The following NUDCD3 variants were observed in gnomAD, a reference collection of about 807,000 sequenced individuals.
NUDCD3 encodes nudC domain-containing protein 3.
NUDCD3 carries 13 observed loss-of-function variants against 39.7 expected under a neutral mutation model. The ratio of observed to expected loss-of-function variants is 0.33; its 90% CI spans 0.21 to 0.52. The LOEUF (loss-of-function observed/expected upper bound fraction) is 0.52, where lower values mean the gene tolerates loss of function less well. NUDCD3 is among the 20% of genes least tolerant of loss of function. The probability of loss-of-function intolerance (pLI) is 0.96; values close to 1 mark genes in which losing one functional copy is unlikely to be tolerated. For synonymous variants in NUDCD3, 175 were observed against 172.4 expected (o/e 1.02, Z -0.12); for missense variants, 453 against 458.1 (o/e 0.99, Z 0.10).
chr7:44,443,984 A>C (rs1799643164), intron 2 of NUDCD3, among the ~76,000 whole-genome samples: 1 of 152,222 alleles, frequency 6.6e-6, no homozygotes, highest in Non-Finnish European at 1.5e-5. Context: ...TGAAATTCTC[A>C]TAAAAGTGAG....
At chr7:44,470,918 A>G (rs1800242807) in intron 2 of NUDCD3, among the ~76,000 whole-genome samples, 1 of 152,270 alleles carries the variant, frequency 6.6e-6, no homozygotes, top group Admixed American at 6.5e-5. Context: ...AATATGAGAA[A>G]AACTAAATGT....
At position 44,490,617 on chromosome 7, in the gene NUDCD3, G is replaced by T. The variant is rs757149282; in HGVS notation, c.-17C>A. 21 of 1,591,330 alleles carry T rather than the reference G, an allele frequency of 1.3e-5. No individual in the cohort carries two copies. The highest frequency in any genetic ancestry group is 5.2e-5 in the Admixed American group (3 of 57,524). ...TGTCTCCATGTCGCCTCCCGCCCTAGGTACGCTTCACACACACAGCGCCGC... is the reference window on the plus strand; with the variant it reads ...TGTCTCCATGTCGCCTCCCGCCCTATGTACGCTTCACACACACAGCGCCGC... On this transcript the variant is annotated 5_prime_UTR_variant, in exon 1 of 6. Transcript: ENST00000355451.
chr7:44,475,201 T>G (rs1336606742), intron 2 of NUDCD3, among the ~76,000 whole-genome samples: 3 of 148,354 alleles, frequency 2.0e-5, no homozygotes. Context: ...AACCCCCGCC[T>G]CCTAGGTTCA....
chr7:44,382,376 C>G lies in NUDCD3; in HGVS notation c.*3635G>C, dbSNP rs1166167634. The G allele has an allele frequency of 6.6e-6, 1 of 152,208 alleles. No individual in the cohort carries two copies. The highest frequency in any genetic ancestry group is 1.9e-4 in the East Asian group (1 of 5,200). The allele number at this position is 152,208 out of a possible 1,614,324, so 9.4% of individuals were successfully genotyped here. ...ATTAACAAATCCATATTAGTGTGAG[C>G]TGGGTGAGTAGTTTAGTCTGAAATG... On this transcript the variant is annotated 3_prime_UTR_variant, in exon 6 of 6. Coordinates refer to ENST00000355451, the MANE Select transcript of NUDCD3 (RefSeq NM_015332.4).
intron 2 of NUDCD3, among the ~76,000 whole-genome samples, chr7:44,478,236 TTC>T (rs1387941769): frequency 6.6e-6 from 1 of 152,226 alleles, no homozygotes; most frequent in Non-Finnish European, 1.5e-5. Context: ...ATTCTCTCTC[TTC>T]TCTGAGGAAT....
At chr7:44,458,589 C>T (rs573469984) in intron 2 of NUDCD3, among the ~76,000 whole-genome samples, 55 of 150,538 alleles carry the variant, frequency 3.7e-4, no homozygotes, top group African/African-American at 1.2e-3. Flanking sequence ...ACCTGGGAGG[C>T]GGAGGTTGCA....
At chr7:44,400,479 T>C (rs772219071) in intron 4 of NUDCD3, among the ~76,000 whole-genome samples, 1 of 152,248 alleles carries the variant, frequency 6.6e-6, no homozygotes. Flanking sequence ...AGCGCAGCTC[T>C]GGACGCCATC....
chr7:44,411,405 C>T (rs1336599323), intron 3 of NUDCD3, among the ~76,000 whole-genome samples: 2 of 152,084 alleles, frequency 1.3e-5, no homozygotes, highest in Non-Finnish European at 2.9e-5. Context: ...ATCCAGAATA[C>T]GTAAAGAAGT....
chr7:44,397,632 T>A (rs1448774355), intron 4 of NUDCD3, among the ~76,000 whole-genome samples: 1 of 152,212 alleles, frequency 6.6e-6, no homozygotes, highest in East Asian at 1.9e-4. Flanking sequence ...TAAAGAATTT[T>A]AAGCTTAAAG....
intron 2 of NUDCD3, among the ~76,000 whole-genome samples, chr7:44,475,453 T>C (rs546564368): frequency 1.2e-4 from 19 of 152,286 alleles, no homozygotes; most frequent in African/African-American, 4.6e-4. Flanking sequence ...TATGTATATG[T>C]TTACATGCAT....
intron 2 of NUDCD3, chr7:44,481,477 T>C (rs1432868613): frequency 6.6e-6 from 1 of 152,222 alleles, no homozygotes; most frequent in Non-Finnish European, 1.5e-5. Flanking sequence ...ACAATCACCC[T>C]TACTTAAAGT....
chr7:44,400,391 G>A (rs144203111), intron 4 of NUDCD3, among the ~76,000 whole-genome samples: 160 of 152,318 alleles, frequency 1.1e-3, no homozygotes, highest in African/African-American at 3.7e-3. Context: ...GCTGGGAAGC[G>A]AAGGCCATGT....
Position 44,382,359 on chromosome 7 carries a change from A to C in NUDCD3, c.*3652T>G, listed in dbSNP as rs1798319197. On this transcript the variant is annotated 3_prime_UTR_variant, in exon 6 of 6. Transcript: ENST00000355451. ...AGAAAAAAAAAGGTAAAATTAACAA[A>C]TCCATATTAGTGTGAGCTGGGTGAG... is the stretch of plus-strand genomic sequence containing the variant. The C allele has an allele frequency of 6.6e-6, 1 of 152,230 alleles. No homozygotes were observed. Among genetic ancestry groups the C allele is most frequent in the African/African-American group, 2.4e-5 (1 of 41,444 alleles). The allele number at this position is 152,230 out of a possible 1,614,324, so 9.4% of individuals were successfully genotyped here.
chr7:44,487,924 G>T (rs1357348338), intron 1 of NUDCD3, among the ~76,000 whole-genome samples: 3 of 151,760 alleles, frequency 2.0e-5, no homozygotes, highest in Admixed American at 2.0e-4. Context: ...CTGCACTCCA[G>T]CCTGGACAAC....
intron 4 of NUDCD3, among the ~76,000 whole-genome samples, chr7:44,398,971 A>AT (rs1271697767): frequency 6.6e-6 from 1 of 152,174 alleles, no homozygotes; most frequent in Non-Finnish European, 1.5e-5. Flanking sequence ...GCTGTCAAAT[A>AT]TTTTTTTAAG....
At chr7:44,392,542 T>G (rs909452195) in intron 4 of NUDCD3, 57 bp from the exon 5 acceptor site, 14 of 1,525,666 alleles carry the variant, frequency 9.2e-6, no homozygotes, top group Non-Finnish European at 1.3e-5. Flanking sequence ...TGTCCAGGGC[T>G]GGGGACAGAG....
At chr7:44,396,010 C>CA (rs1223334058) in intron 4 of NUDCD3, among the ~76,000 whole-genome samples, 1 of 152,132 alleles carries the variant, frequency 6.6e-6, no homozygotes. Context: ...AAAGCAGCTG[C>CA]ACCACTTTAC....
chr7:44,398,179 G>A (rs1011677992), intron 4 of NUDCD3, among the ~76,000 whole-genome samples: 6 of 152,142 alleles, frequency 3.9e-5, no homozygotes, highest in Admixed American at 2.0e-4. Flanking sequence ...CACGAAGGCT[G>A]GGAAATGCTG....
At chr7:44,437,058 T>C (rs1563176817) in intron 2 of NUDCD3, among the ~76,000 whole-genome samples, 2 of 147,070 alleles carry the variant, frequency 1.4e-5, no homozygotes, top group East Asian at 1.9e-4. Flanking sequence ...TACCCCTTTT[T>C]CTTTTCTTTT....
Sources: gnomAD v4.1 joint callset for allele counts (sites outside exome capture counted in the v4.1 genomes callset) on GRCh38, gnomAD v4.1.1 for gene constraint, MANE v1.5 for transcripts, NCBI Gene and HGNC (gene_info 2026-07-23, HGNC 2026-07-21) for gene names.